KCNIP1: variants seen among roughly 807,000 people sequenced by gnomAD.
KCNIP1 encodes potassium voltage-gated channel interacting protein 1.
Under a neutral mutation model 33.0 loss-of-function variants are expected in KCNIP1, and 18 were observed. The observed-to-expected ratio is 0.55, with a 90% CI of 0.38 to 0.81. KCNIP1 has a LOEUF of 0.81. Ranked by LOEUF, KCNIP1 falls within the 30% of genes least tolerant of loss-of-function variation. The probability of loss-of-function intolerance (pLI) is 0.00; values close to 1 mark genes in which losing one functional copy is unlikely to be tolerated. For synonymous variants in KCNIP1, 93 were observed against 98.3 expected, an observed-to-expected ratio of 0.95 and a Z score of 0.32; for missense variants, 238 against 271.6, an observed-to-expected ratio of 0.88 and a Z score of 0.87.
intron 1 of KCNIP1, among the ~76,000 whole-genome samples, chr5:170,716,556 T>C (rs2113865194): frequency 6.6e-6 from 1 of 152,312 alleles, no homozygotes; most frequent in East Asian, 1.9e-4. Flanking sequence ...AAACAAAAGC[T>C]TGGCAGTCAG....
At chr5:170,674,181 AAGGGAGGG>A (rs1308156609) in intron 1 of KCNIP1, among the ~76,000 whole-genome samples, 603 of 38,460 alleles carry the variant, frequency 0.016, 13 homozygotes, top group South Asian at 0.041. Context: ...GGAAGGAAGG[AAGGGAGGG>A]AGGGAGGGAG....
intron 1 of KCNIP1, among the ~76,000 whole-genome samples, chr5:170,611,103 T>C (rs1353804502): frequency 6.6e-6 from 1 of 152,248 alleles, no homozygotes; most frequent in Non-Finnish European, 1.5e-5. Flanking sequence ...GCACTCAAAT[T>C]CATCAAGTGT....
At chr5:170,414,544 T>G (rs1755277815) in intron 1 of KCNIP1, among the ~76,000 whole-genome samples, 1 of 152,250 alleles carries the variant, frequency 6.6e-6, no homozygotes, top group African/African-American at 2.4e-5. Context: ...ATAAATCTTT[T>G]TCCACCACGT....
At chr5:170,700,308 A>G (rs899625451) in intron 1 of KCNIP1, among the ~76,000 whole-genome samples, 1 of 152,174 alleles carries the variant, frequency 6.6e-6, no homozygotes, top group African/African-American at 2.4e-5. Flanking sequence ...ATGGTAACCC[A>G]TACCTTTCCT....
At chr5:170,624,433 C>G (rs942654042) in intron 1 of KCNIP1, among the ~76,000 whole-genome samples, 3 of 152,002 alleles carry the variant, frequency 2.0e-5, no homozygotes, top group African/African-American at 7.2e-5. Context: ...CAACAAACAC[C>G]TTCCTTTCTC....
upstream of KCNIP1, among the ~76,000 whole-genome samples, chr5:170,500,729 G>A (rs1757393524): frequency 6.6e-6 from 1 of 152,090 alleles, no homozygotes. Flanking sequence ...TTGTACAGTG[G>A]GCACGTGCGT....
intron 1 of KCNIP1, among the ~76,000 whole-genome samples, chr5:170,608,954 G>C (rs1330785278): frequency 1.3e-5 from 2 of 152,194 alleles, no homozygotes; most frequent in African/African-American, 4.8e-5. Context: ...CTCTGAGTCG[G>C]GCTCTGTCTA....
intron 1 of KCNIP1, among the ~76,000 whole-genome samples, chr5:170,453,999 T>C (rs566158790): frequency 2.0e-5 from 3 of 152,252 alleles, no homozygotes; most frequent in Non-Finnish European, 4.4e-5. Flanking sequence ...AGGACACAGC[T>C]GAACCGTGTC....
At chr5:170,648,591 G>T (rs374578869) in intron 1 of KCNIP1, among the ~76,000 whole-genome samples, 1 of 152,168 alleles carries the variant, frequency 6.6e-6, no homozygotes, top group Non-Finnish European at 1.5e-5. Context: ...AAAGATGGCT[G>T]GTTTCCAGGG....
chr5:170,428,860 G>T (rs1755671412), intron 1 of KCNIP1, among the ~76,000 whole-genome samples: 1 of 152,144 alleles, frequency 6.6e-6, no homozygotes. Context: ...GGGTTTGACA[G>T]TCTGCTGTGA....
chr5:170,439,220 C>T (rs1391607097), intron 1 of KCNIP1, among the ~76,000 whole-genome samples: 2 of 152,148 alleles, frequency 1.3e-5, no homozygotes, highest in African/African-American at 4.8e-5. Context: ...GCTGTGGAGG[C>T]CCAGGAATCA....
chr5:170,392,238 C>T (rs949810558), intron 1 of KCNIP1, among the ~76,000 whole-genome samples: 8 of 152,182 alleles, frequency 5.3e-5, no homozygotes, highest in African/African-American at 1.9e-4. Context: ...TTCCAGCCCC[C>T]AGCCTGCCAG....
chr5:170,449,681 C>T (rs1389609164), intron 1 of KCNIP1, among the ~76,000 whole-genome samples: 2 of 152,132 alleles, frequency 1.3e-5, no homozygotes, highest in East Asian at 3.8e-4. Flanking sequence ...CAGAACAGTG[C>T]CGGCGGTGTA....
intron 1 of KCNIP1, among the ~76,000 whole-genome samples, chr5:170,362,338 C>A (rs1450839135): frequency 6.6e-6 from 1 of 152,212 alleles, no homozygotes; most frequent in Non-Finnish European, 1.5e-5. Flanking sequence ...TTCTGAAAAT[C>A]AGATCCAGGG....
intron 1 of KCNIP1, among the ~76,000 whole-genome samples, chr5:170,354,142 C>T (rs1763284069): frequency 1.3e-5 from 2 of 152,150 alleles, no homozygotes; most frequent in African/African-American, 2.4e-5. Flanking sequence ...AGTAGGCGGG[C>T]ACCCAGCCAG....
chr5:170,653,121 A>G (rs1355345265), intron 1 of KCNIP1, among the ~76,000 whole-genome samples: 1 of 152,236 alleles, frequency 6.6e-6, no homozygotes, highest in African/African-American at 2.4e-5. Flanking sequence ...AGTCTGCTGG[A>G]CATGCAGACA....
At chr5:170,480,260 T>C (rs1756948136) in intron 1 of KCNIP1, among the ~76,000 whole-genome samples, 2 of 152,218 alleles carry the variant, frequency 1.3e-5, no homozygotes, top group African/African-American at 4.8e-5. Flanking sequence ...CTCCTAAGAA[T>C]ACAAATTTCT....
chr5:170,652,935 A>G (rs1393121458), intron 1 of KCNIP1, among the ~76,000 whole-genome samples: 1 of 152,232 alleles, frequency 6.6e-6, no homozygotes, highest in Non-Finnish European at 1.5e-5. Context: ...CCAACAAAAA[A>G]ACGAAGGCCC....
intron 1 of KCNIP1, among the ~76,000 whole-genome samples, chr5:170,458,548 C>A (rs1756439973): frequency 6.6e-6 from 1 of 152,210 alleles, no homozygotes. Flanking sequence ...TATCTTCAGC[C>A]TCCTTAAACA....
Sources: allele counts gnomAD v4.1 joint callset (sites outside exome capture counted in the v4.1 genomes callset), GRCh38; gene constraint gnomAD v4.1.1; transcripts MANE v1.5; gene names NCBI Gene and HGNC (gene_info 2026-07-23, HGNC 2026-07-21).